Variants in GLI2 observed in about 807,000 individuals in gnomAD.
The protein encoded by GLI2 is GLI family zinc finger 2.
A neutral mutation model predicts 78.9 loss-of-function variants in GLI2; 22 were observed. The ratio of observed to expected loss-of-function variants is 0.28; its 90% CI spans 0.20 to 0.40. The LOEUF (loss-of-function observed/expected upper bound fraction) is 0.40. Ranked by LOEUF, GLI2 falls within the 10% of genes least tolerant of loss-of-function variation. GLI2 has a pLI of 1.00. For synonymous variants in GLI2, 974 were observed against 963.7 expected, an observed-to-expected ratio of 1.01 and a Z score of -0.20; for missense variants, 2,097 against 2,213.2, an observed-to-expected ratio of 0.95 and a Z score of 1.05.
intron 5 of GLI2, among the ~76,000 whole-genome samples, chr2:120,962,806 T>C (rs1681648462): frequency 6.6e-6 from 1 of 152,186 alleles, no homozygotes; most frequent in South Asian, 2.1e-4. Flanking sequence ...TTCCTCTTGT[T>C]AGGGGCACAT....
intron 1 of GLI2, among the ~76,000 whole-genome samples, chr2:120,794,510 G>A (rs1056157073): frequency 5.3e-5 from 8 of 152,202 alleles, no homozygotes; most frequent in Non-Finnish European, 1.0e-4. Context: ...GGTGTGAAAA[G>A]TGCCAAGACC....
chr2:120,809,634 T>C (rs1041779919), intron 2 of GLI2, among the ~76,000 whole-genome samples: 1 of 152,092 alleles, frequency 6.6e-6, no homozygotes, highest in Non-Finnish European at 1.5e-5. Context: ...GGGGGCCTGG[T>C]CGTGCTGCTG....
intron 1 of GLI2, among the ~76,000 whole-genome samples, chr2:120,764,360 C>T (rs1242293700): frequency 3.3e-5 from 5 of 152,308 alleles, no homozygotes; most frequent in East Asian, 1.9e-4. Flanking sequence ...CTTCTTGACA[C>T]GCTTGTGAGA....
Position 120,906,519 on chromosome 2 carries a change from C to T in GLI2, c.149-20842C>T, listed in dbSNP as rs927336236. 3.9e-5 allele frequency among the ~76,000 whole-genome samples: 6 copies of T among 152,130 alleles called. 1 individual carries two copies. The highest frequency in any genetic ancestry group is 8.8e-5 in the Non-Finnish European group (6 of 68,006). On this transcript the variant is annotated intron_variant, in intron 2 of 13. Coordinates refer to ENST00000361492, the MANE Select transcript of GLI2 (RefSeq NM_001374353.1). ...CAAGAGCCCTGTCCCCAGGCTCTAG[C>T]TCCAGCGCACTCCCTCTCTTTACAC...
Position 120,872,666 on chromosome 2 carries a change from G to A in GLI2, c.149-54695G>A, listed in dbSNP as rs531298218. 1.5e-4 allele frequency among the ~76,000 whole-genome samples: 23 copies of A among 152,372 alleles called. No individual in the cohort carries two copies. In the East Asian group the frequency reaches 4.0e-3, roughly 27 times the overall value. The stretch of plus-strand genomic sequence containing the variant: ...AGCCAGCCCAGATTGGAGTCCAGGT[G>A]TCGTCACCTGCTGGTTGTGTGATTG... On this transcript the variant is annotated intron_variant, in intron 2 of 13. Transcript: ENST00000361492.
chr2:120,919,583 C>A (rs147952781), intron 2 of GLI2, among the ~76,000 whole-genome samples: 1 of 152,206 alleles, frequency 6.6e-6, no homozygotes, highest in African/African-American at 2.4e-5. Context: ...GGGGCCCACC[C>A]GGTGGGTGCA....
At position 120,970,376 on chromosome 2, in the gene GLI2, T is replaced by C. The variant is rs1322969072; in HGVS notation, c.846-17T>C. 2.0e-6 allele frequency: 3 copies of C among 1,466,200 alleles called. No homozygotes were observed. Among genetic ancestry groups the C allele is most frequent in the Non-Finnish European group, 2.9e-6 (3 of 1,045,778 alleles). 90.8% of individuals were successfully genotyped at this position (1,466,200 alleles called of 1,614,324 possible). A position where few individuals can be genotyped will look rare whatever the true frequency, so the allele number is the denominator to read the frequency against. The stretch of plus-strand genomic sequence containing the variant: ...CCGATCCCCCACCCCCACTTCCTTG[T>C]CTGCTCTCTGTTGCAGCCCAGCCTT... On this transcript the variant is annotated splice_polypyrimidine_tract_variant and intron_variant, in intron 6 of 13. Coordinates refer to ENST00000361492, the MANE Select transcript of GLI2 (RefSeq NM_001374353.1).
intron 1 of GLI2, among the ~76,000 whole-genome samples, chr2:120,736,977 G>A (rs1266968657): frequency 6.6e-6 from 1 of 151,640 alleles, no homozygotes; most frequent in African/African-American, 2.4e-5. Flanking sequence ...CGGGTCCTCC[G>A]GTTCCCCCTT....
At chr2:120,803,945 T>C (rs1458104998) in intron 2 of GLI2, among the ~76,000 whole-genome samples, 1 of 152,140 alleles carries the variant, frequency 6.6e-6, no homozygotes, top group Non-Finnish European at 1.5e-5. Context: ...GTGACCAGGC[T>C]AGCATAGCTA....
chr2:120,749,860 C>T (rs534521306), intron 1 of GLI2, among the ~76,000 whole-genome samples: 1 of 152,362 alleles, frequency 6.6e-6, no homozygotes, highest in Middle Eastern at 3.4e-3. Context: ...GCATCAGCCC[C>T]CACCACTAGG....
At chr2:120,877,125 G>C (rs1265995164) in intron 2 of GLI2, among the ~76,000 whole-genome samples, 1 of 152,142 alleles carries the variant, frequency 6.6e-6, no homozygotes, top group African/African-American at 2.4e-5. Flanking sequence ...CCTTGGGGTG[G>C]CTTGCCTGGC....
rs182596797 is a variant in GLI2, at chr2:120,838,692, C to T, written c.148+41224C>T. ...AACAATATTTTGGACAATCATGAAC[C>T]GCATATAGGACAGTGGTCCCATAAG... On this transcript the variant is annotated intron_variant, in intron 2 of 13. Transcript: ENST00000361492. Among the ~76,000 whole-genome samples the T allele has an allele frequency of 4.6e-5, 7 of 152,224 alleles. No individual in the cohort carries two copies. In the East Asian group the frequency reaches 7.7e-4, roughly 17 times the overall value.
At chr2:120,845,211 T>G (rs2104590712) in intron 2 of GLI2, among the ~76,000 whole-genome samples, 1 of 152,246 alleles carries the variant, frequency 6.6e-6, no homozygotes, top group East Asian at 1.9e-4. Context: ...AGGTGGAGGT[T>G]GCAGTGAGCC....
chr2:120,811,106 CA>C, intron 2 of GLI2, among the ~76,000 whole-genome samples: 1 of 152,320 alleles, frequency 6.6e-6, no homozygotes, highest in East Asian at 1.9e-4. Context: ...TGGGGTGGGT[CA>C]GCCCCCTTAT....
chr2:120,906,158 C>T (rs565593177), intron 2 of GLI2, among the ~76,000 whole-genome samples: 15 of 152,178 alleles, frequency 9.9e-5, no homozygotes, highest in Non-Finnish European at 1.9e-4. Context: ...GCAAGGTGTT[C>T]AATAGGAAGT....
intron 2 of GLI2, among the ~76,000 whole-genome samples, chr2:120,873,809 T>C (rs277554): frequency 0.56 from 85,596 of 152,080 alleles, 26,807 homozygotes; most frequent in African/African-American, 0.85. Context: ...CTCTCTATCA[T>C]TGTGAAATGG....
At chr2:120,897,894 C>T (rs1464922231) in intron 2 of GLI2, among the ~76,000 whole-genome samples, 1 of 152,132 alleles carries the variant, frequency 6.6e-6, no homozygotes, top group Non-Finnish European at 1.5e-5. Flanking sequence ...CTCATGATAT[C>T]ATCCAGTAAC....
Position 120,896,416 on chromosome 2 carries a change from C to A in GLI2, c.149-30945C>A, listed in dbSNP as rs572055153. 4.1e-3 allele frequency among the ~76,000 whole-genome samples: 631 copies of A among 152,236 alleles called. 3 individuals carry two copies. Among genetic ancestry groups the A allele is most frequent in the African/African-American group, 0.015 (609 of 41,542 alleles). On this transcript the variant is annotated intron_variant, in intron 2 of 13. Transcript: ENST00000361492. ...TGAGGCAGGGTGGGATCCGGCATGTCTCAGAGATATGAGTATTAGCCAGGC... is the reference window on the plus strand; with the variant it reads ...TGAGGCAGGGTGGGATCCGGCATGTATCAGAGATATGAGTATTAGCCAGGC...
At chr2:120,929,403 A>G (rs890811008) in intron 3 of GLI2, among the ~76,000 whole-genome samples, 2 of 152,248 alleles carry the variant, frequency 1.3e-5, no homozygotes, top group Non-Finnish European at 2.9e-5. Context: ...TTATACATCC[A>G]TCGATGCTTC....
Sources: gnomAD v4.1 joint callset for allele counts (sites outside exome capture counted in the v4.1 genomes callset) on GRCh38, gnomAD v4.1.1 for gene constraint, MANE v1.5 for transcripts, NCBI Gene and HGNC (gene_info 2026-07-23, HGNC 2026-07-21) for gene names.